TMC1: variants seen among roughly 807,000 people sequenced by gnomAD.
The protein encoded by TMC1 is transmembrane channel-like protein 1.
In TMC1, 84 loss-of-function variants were observed where a neutral mutation model predicts 105.8. The ratio of observed to expected loss-of-function variants is 0.79; its 90% CI spans 0.67 to 0.95. TMC1 has a LOEUF of 0.95. TMC1 is among the 40% of genes least tolerant of loss of function. The probability of loss-of-function intolerance (pLI) is 0.00; values close to 1 mark genes in which losing one functional copy is unlikely to be tolerated. For synonymous variants in TMC1, 315 were observed against 311.5 expected (o/e 1.01, Z -0.12); for missense variants, 817 against 914.1 (o/e 0.89, Z 1.37).
Position 72,835,811 on chromosome 9 carries a change from C to A in TMC1, c.2261-140C>A. On this transcript the variant is annotated intron_variant, in intron 23 of 23. Coordinates refer to ENST00000297784, the MANE Select transcript of TMC1 (RefSeq NM_138691.3). Reference sequence around the variant, plus strand: ...GTAAATATTATGGGAAAGTAGAGCACATTTGGACAATACAGATTTCTGGCC... The same window carrying A: ...GTAAATATTATGGGAAAGTAGAGCAAATTTGGACAATACAGATTTCTGGCC... The A allele has an allele frequency of 4.6e-6, 4 of 862,472 alleles. No individual in the cohort carries two copies. In the South Asian group the frequency reaches 6.4e-5, roughly 14 times the overall value. 53.4% of individuals were successfully genotyped at this position (862,472 alleles called of 1,614,324 possible). A position where few individuals can be genotyped will look rare whatever the true frequency, so the allele number is the denominator to read the frequency against.
intron 1 of TMC1, among the ~76,000 whole-genome samples, chr9:72,543,952 C>CTTTCTTTCTTT (rs376392146): frequency 1.5e-5 from 2 of 134,344 alleles, no homozygotes; most frequent in African/African-American, 2.9e-5. Context: ...TTCTTTCTTT[C>CTTTCTTTCTTT]TTTTTTTTTT....
At chr9:72,557,478 T>C (rs1823962897) in intron 1 of TMC1, among the ~76,000 whole-genome samples, 1 of 152,214 alleles carries the variant, frequency 6.6e-6, no homozygotes, top group African/African-American at 2.4e-5. Flanking sequence ...TTCTGTTCTT[T>C]CCAAATGTTT....
chr9:72,813,649 A>C (rs1482062441), intron 18 of TMC1, among the ~76,000 whole-genome samples: 1 of 152,242 alleles, frequency 6.6e-6, no homozygotes, highest in Non-Finnish European at 1.5e-5. Context: ...TAAATGAATG[A>C]ATATAGCTGT....
chr9:72,788,243 A>T, intron 13 of TMC1, 96 bp from the exon 14 acceptor site: 4 of 1,316,994 alleles, frequency 3.0e-6, no homozygotes, highest in Admixed American at 1.7e-5. Flanking sequence ...TCTTTTTGCT[A>T]TTGCTTCTCC....
At chr9:72,820,744 C>A in intron 19 of TMC1, 98 bp from the exon 20 acceptor site, 1 of 1,492,562 alleles carries the variant, frequency 6.7e-7, no homozygotes. Flanking sequence ...GTATTTTCTG[C>A]CTTTGGAAAA....
intron 11 of TMC1, 136 bp from the exon 12 acceptor site, chr9:72,754,650 G>A: frequency 1.4e-6 from 1 of 709,172 alleles, no homozygotes; most frequent in Non-Finnish European, 2.6e-6. Context: ...CCCAGAAAAT[G>A]GGACCCCACA....
At chr9:72,742,831 A>G (rs1428249556) in intron 10 of TMC1, among the ~76,000 whole-genome samples, 1 of 152,222 alleles carries the variant, frequency 6.6e-6, no homozygotes, top group African/African-American at 2.4e-5. Context: ...ATGACATTGA[A>G]TCATCTTACT....
intron 8 of TMC1, among the ~76,000 whole-genome samples, chr9:72,737,864 A>G (rs1387691222): frequency 1.3e-5 from 2 of 152,206 alleles, no homozygotes; most frequent in African/African-American, 4.8e-5. Context: ...ATTGTTTTTC[A>G]ACTAATTTTA....
chr9:72,759,155 G>A (rs142431543), intron 12 of TMC1, among the ~76,000 whole-genome samples: 3 of 152,214 alleles, frequency 2.0e-5, no homozygotes, highest in East Asian at 3.9e-4. Context: ...GAGGAAGGGC[G>A]CTGCATGGCC....
rs766917705 is a variant in TMC1 at position 72,820,936 on chromosome 9, A to G, written c.1858A>G (p.Asn620Asp). Residue 620 changes from asparagine to aspartate, a missense_variant, in exon 20 of 24, where the codon AAT (asparagine) becomes GAT (aspartate). By Grantham distance (23) the Asn-to-Asp change is conservative. Coordinates refer to ENST00000297784, the MANE Select transcript of TMC1 (RefSeq NM_138691.3). ...YFQCWAVMCCNVPEARVFKAS... is the reference protein window; with the variant it reads ...YFQCWAVMCCDVPEARVFKAS... ...CCAGTGCTGGGCCGTTATGTGCTGC[A>G]ATGTTCCTGAGGCCAGGGTCTTCAA... 23 of 1,614,022 alleles carry G rather than the reference A, an allele frequency of 1.4e-5. No individual in the cohort carries two copies. The highest frequency in any genetic ancestry group is 1.9e-5 in the Non-Finnish European group (22 of 1,180,022).
chr9:72,641,993 A>G (rs1825636878), intron 4 of TMC1, among the ~76,000 whole-genome samples: 1 of 150,964 alleles, frequency 6.6e-6, no homozygotes, highest in African/African-American at 2.4e-5. Context: ...AATTTTTTGT[A>G]TTTTTAGTAG....
At chr9:72,652,391 A>T (rs1366075735) in intron 5 of TMC1, among the ~76,000 whole-genome samples, 1 of 152,184 alleles carries the variant, frequency 6.6e-6, no homozygotes, top group Non-Finnish European at 1.5e-5. Context: ...GGGAAAGCAT[A>T]TAGAATGACA....
At chr9:72,673,197 A>T (rs12001358) in intron 5 of TMC1, among the ~76,000 whole-genome samples, 15,076 of 152,258 alleles carry the variant, frequency 0.099, 792 homozygotes, top group Non-Finnish European at 0.13. Context: ...TTGAGATGCA[A>T]CAACAGCAGT....
intron 8 of TMC1, among the ~76,000 whole-genome samples, chr9:72,715,362 A>G (rs1025579689): frequency 4.6e-5 from 7 of 152,180 alleles, no homozygotes; most frequent in African/African-American, 1.7e-4. Context: ...ATGTTTTCCA[A>G]CTTGGTTCCA....
intron 8 of TMC1, among the ~76,000 whole-genome samples, chr9:72,710,338 T>C (rs1826815231): frequency 6.6e-6 from 1 of 152,202 alleles, no homozygotes; most frequent in African/African-American, 2.4e-5. Context: ...GGGTAGAATA[T>C]TCTGTAAATA....
At chr9:72,675,094 C>T (rs1826182678) in intron 5 of TMC1, among the ~76,000 whole-genome samples, 1 of 152,154 alleles carries the variant, frequency 6.6e-6, no homozygotes, top group African/African-American at 2.4e-5. Flanking sequence ...CTCATGCACA[C>T]ACACACATAT....
rs1325479285 is a variant in TMC1, at chr9:72,791,906, C to T, written c.1245C>T (p.Leu415=). The change falls in exon 16 of 24, where the codon CTC becomes CTT. Residue 415 remains leucine, a synonymous_variant. Transcript: ENST00000297784. ...TGTAGATGAACATGGTTATGTCCCT[C>T]CTAGGGATGTTCTGTCCAACATTGT... ...EKNEMNMVMS[L]LGMFCPTLFD... 1 of 1,612,846 alleles carries T rather than the reference C, an allele frequency of 6.2e-7. No homozygotes were observed. Among genetic ancestry groups the T allele is most frequent in the South Asian group, 1.1e-5 (1 of 91,020 alleles).
intron 1 of TMC1, among the ~76,000 whole-genome samples, chr9:72,542,527 G>A (rs1436687787): frequency 6.6e-6 from 1 of 151,984 alleles, no homozygotes; most frequent in African/African-American, 2.4e-5. Flanking sequence ...GCCTGAGGTG[G>A]GAGAATCACT....
At chr9:72,631,965 A>G (rs1233571086) in intron 4 of TMC1, among the ~76,000 whole-genome samples, 8 of 152,270 alleles carry the variant, frequency 5.3e-5, no homozygotes, top group Non-Finnish European at 8.8e-5. Context: ...GTAAAGGAAT[A>G]CAAAAGTAAT....
Sources: allele counts gnomAD v4.1 joint callset (sites outside exome capture counted in the v4.1 genomes callset), GRCh38; gene constraint gnomAD v4.1.1; transcripts MANE v1.5; gene names NCBI Gene and HGNC (gene_info 2026-07-23, HGNC 2026-07-21).